The following ZC2HC1B variants were observed in gnomAD, a reference collection of about 807,000 sequenced individuals.
ZC2HC1B encodes zinc finger C2HC domain-containing protein 1B.
ZC2HC1B carries 36 observed loss-of-function variants against 31.0 expected under a neutral mutation model. The ratio of observed to expected loss-of-function variants is 1.16; its 90% CI spans 0.89 to 1.54. The LOEUF (loss-of-function observed/expected upper bound fraction) is 1.54, where lower values mean the gene tolerates loss of function less well. ZC2HC1B is among the 40% of genes most tolerant of loss of function. ZC2HC1B has a pLI of 0.00. For missense variants in ZC2HC1B, 260 were observed against 268.6 expected, an observed-to-expected ratio of 0.97 and a Z score of 0.22; for synonymous variants, 73 against 88.0, an observed-to-expected ratio of 0.83 and a Z score of 0.95.
At chr6:143,931,156 A>C (rs1192015629) in intron 6 of ZC2HC1B, among the ~76,000 whole-genome samples, 2 of 152,292 alleles carry the variant, frequency 1.3e-5, no homozygotes, top group East Asian at 3.9e-4. Context: ...TTTGCATGGA[A>C]TATCTTTTTC....
At chr6:143,894,463 G>A (rs1208672692) in intron 4 of ZC2HC1B, among the ~76,000 whole-genome samples, 2 of 152,142 alleles carry the variant, frequency 1.3e-5, no homozygotes, top group Non-Finnish European at 2.9e-5. Context: ...GCATTTAGTT[G>A]TGTGTAAATT....
intron 1 of ZC2HC1B, among the ~76,000 whole-genome samples, chr6:143,877,949 G>GT (rs2128493530): frequency 6.6e-6 from 1 of 150,856 alleles, no homozygotes; most frequent in African/African-American, 2.4e-5. Context: ...TCTGCTTTCA[G>GT]TATCACTATT....
Position 143,937,723 on chromosome 6 carries a change from C to T in ZC2HC1B, c.*4C>T, listed in dbSNP as rs1471100687. The T allele has an allele frequency of 6.5e-7, 1 of 1,545,748 alleles. No individual in the cohort carries two copies. Among genetic ancestry groups the T allele is most frequent in the Non-Finnish European group, 8.7e-7 (1 of 1,145,200 alleles). On this transcript the variant is annotated 3_prime_UTR_variant, in exon 7 of 8. Coordinates refer to ENST00000237275, the MANE Select transcript of ZC2HC1B (RefSeq NM_001013623.3). ...TAAATCTTCTAAAAAAGATTAACTC[C>T]TAGAAGCCAGGTAAGAAAAAAAAAT...
rs1229578266 is a variant in ZC2HC1B at position 143,886,547 on chromosome 6, C to T, written c.211-136C>T. On this transcript the variant is annotated intron_variant, in intron 3 of 7. Coordinates refer to ENST00000237275, the MANE Select transcript of ZC2HC1B (RefSeq NM_001013623.3). This position sits in a 1 kb window ranked among gnomAD's most constrained non-coding sequence, Gnocchi z 4.2. ...ACTTTCCAAACCTCTTTAAGGAGTA[C>T]TTTTGAAAAACAAACTCTCCTTTTC... 6 of 930,982 alleles carry T rather than the reference C, an allele frequency of 6.4e-6. No individual in the cohort carries two copies. Among genetic ancestry groups the T allele is most frequent in the Non-Finnish European group, 8.7e-6 (6 of 687,064 alleles). 57.7% of individuals were successfully genotyped at this position (930,982 alleles called of 1,614,324 possible).
chr6:143,929,465 G>A (rs145528655), intron 6 of ZC2HC1B, among the ~76,000 whole-genome samples: 366 of 152,248 alleles, frequency 2.4e-3, no homozygotes, highest in African/African-American at 8.5e-3. Flanking sequence ...TTGATGTGCT[G>A]TATGATTTTG....
At position 143,868,279 on chromosome 6, in the gene ZC2HC1B, G is replaced by C. The variant is rs1229783216; in HGVS notation, c.28+3712G>C. On this transcript the variant is annotated intron_variant, in intron 1 of 7. Transcript: ENST00000237275. The surrounding 1 kb of genome is among the most constrained non-coding windows in gnomAD (Gnocchi z 4.2). ...CTAATAGGCTAGATCTGTATATAAA[G>C]GGGAATTTATTAAGTATTAACTCAC... 6.6e-6 allele frequency among the ~76,000 whole-genome samples: 1 copy of C among 152,144 alleles called. No individual in the cohort carries two copies. The highest frequency in any genetic ancestry group is 1.5e-5 in the Non-Finnish European group (1 of 68,032).
chr6:143,866,982 G>C lies in ZC2HC1B; in HGVS notation c.28+2415G>C, dbSNP rs1415927038. On this transcript the variant is annotated intron_variant, in intron 1 of 7. Transcript: ENST00000237275. ...CTCTAATCCAAAATCCAAAAACGTTGAGTGCCAATGTGAGACAACAAATAG... is the reference window on the plus strand; with the variant it reads ...CTCTAATCCAAAATCCAAAAACGTTCAGTGCCAATGTGAGACAACAAATAG... Among the ~76,000 whole-genome samples, 7 of 152,254 alleles carry C rather than the reference G, an allele frequency of 4.6e-5. No individual in the cohort carries two copies. The South Asian group carries it at 1.5e-3, about 32-fold the overall frequency.
chr6:143,918,464 A>AT lies in ZC2HC1B; in HGVS notation c.598+15320dup, dbSNP rs961185940. Among the ~76,000 whole-genome samples the AT allele has an allele frequency of 6.6e-6, 1 of 151,008 alleles. No homozygotes were observed. The highest frequency in any genetic ancestry group is 1.5e-5 in the Non-Finnish European group (1 of 67,690). ...GAACATTCCTGGTTTGTGACAGGTC[A>AT]TTTTTTTTCTTGCTACTCTGATTAT... On this transcript the variant is annotated intron_variant, in intron 6 of 7. Transcript: ENST00000237275. This position sits in a 1 kb window ranked among gnomAD's most constrained non-coding sequence, Gnocchi z 4.1.
intron 6 of ZC2HC1B, among the ~76,000 whole-genome samples, chr6:143,936,154 AG>A (rs1010792544): frequency 6.6e-6 from 1 of 152,194 alleles, no homozygotes; most frequent in Non-Finnish European, 1.5e-5. Context: ...ACAAGTCAAC[AG>A]CCTTATTGAT....
At chr6:143,909,135 A>G (rs1022644284) in intron 6 of ZC2HC1B, among the ~76,000 whole-genome samples, 1 of 152,196 alleles carries the variant, frequency 6.6e-6, no homozygotes, top group East Asian at 1.9e-4. Context: ...ATTGTAGTGG[A>G]TAAGCTTTTT....
intron 1 of ZC2HC1B, among the ~76,000 whole-genome samples, chr6:143,882,879 A>G (rs915450395): frequency 1.2e-4 from 19 of 152,106 alleles, no homozygotes; most frequent in African/African-American, 4.6e-4. Context: ...CACTCCCAGC[A>G]TCTTCTCAGT....
chr6:143,899,199 A>AT lies in ZC2HC1B; in HGVS notation c.489+509dup, dbSNP rs1777706175. On this transcript the variant is annotated intron_variant, in intron 5 of 7. Coordinates refer to ENST00000237275, the MANE Select transcript of ZC2HC1B (RefSeq NM_001013623.3). The surrounding 1 kb of genome is among the most constrained non-coding windows in gnomAD (Gnocchi z 5.0). ...TTAACATTAGGTGCAAATCAGTAAA[A>AT]TAACAACCTGAAGTGGAAGACAGTA... 2.6e-5 allele frequency among the ~76,000 whole-genome samples: 4 copies of AT among 152,254 alleles called. 1 individual carries two copies. The South Asian group carries it at 8.3e-4, about 31-fold the overall frequency.
rs1298582518 is a variant in ZC2HC1B, at chr6:143,906,461, TGAGA to T, written c.598+3315_598+3318del. 2.0e-5 allele frequency among the ~76,000 whole-genome samples: 3 copies of T among 152,238 alleles called. No individual in the cohort carries two copies. The South Asian group carries it at 6.2e-4, about 32-fold the overall frequency. ...ATTTTAATTTTTTTTTGTTTTGTTT[TGAGA>T]GAGAGCCTCACTCTGTTGCCAAGGC... On this transcript the variant is annotated intron_variant, in intron 6 of 7. Coordinates refer to ENST00000237275, the MANE Select transcript of ZC2HC1B (RefSeq NM_001013623.3).
rs1435983683 is a variant in ZC2HC1B at position 143,887,320 on chromosome 6, T to C, written c.349+499T>C. On this transcript the variant is annotated intron_variant, in intron 4 of 7. Transcript: ENST00000237275. The surrounding 1 kb of genome is among the most constrained non-coding windows in gnomAD (Gnocchi z 5.1). ...AGTACACATGCCCTCCACTGAAATT[T>C]GGCAATTGTTGACGCTGTTGCCATA... 1.3e-5 allele frequency among the ~76,000 whole-genome samples: 2 copies of C among 152,238 alleles called. No individual in the cohort carries two copies. The highest frequency in any genetic ancestry group is 4.8e-5 in the African/African-American group (2 of 41,456).
chr6:143,897,857 T>G (rs1164402593), intron 4 of ZC2HC1B, among the ~76,000 whole-genome samples: 1 of 152,238 alleles, frequency 6.6e-6, no homozygotes, highest in East Asian at 1.9e-4. Context: ...CACTACAACC[T>G]ATGCTTTTGA....
chr6:143,866,013 G>T (rs898312432), intron 1 of ZC2HC1B, among the ~76,000 whole-genome samples: 1 of 152,048 alleles, frequency 6.6e-6, no homozygotes, highest in African/African-American at 2.4e-5. Flanking sequence ...ACAGGGTTTC[G>T]CCATGTTGGC....
intron 1 of ZC2HC1B, among the ~76,000 whole-genome samples, chr6:143,877,272 C>CTTTTTTTTTTTTTTTTT (rs34994479): frequency 7.0e-5 from 3 of 42,578 alleles, no homozygotes; most frequent in African/African-American, 2.4e-4. Flanking sequence ...TTTTTAATTT[C>CTTTTTTTTTTTTTTTTT]TTTTTTTTTT....
chr6:143,919,824 C>T (rs9496815), intron 6 of ZC2HC1B, among the ~76,000 whole-genome samples: 6,539 of 152,222 alleles, frequency 0.043, 347 homozygotes, highest in African/African-American at 0.12. Context: ...CTTCAATAGA[C>T]TCCAGAGTCC....
rs1469487449 is a variant in ZC2HC1B, at chr6:143,872,059, A to G, written c.28+7492A>G. 1.3e-5 allele frequency among the ~76,000 whole-genome samples: 2 copies of G among 152,184 alleles called. No individual in the cohort carries two copies. The highest frequency in any genetic ancestry group is 3.8e-4 in the East Asian group (2 of 5,198). On this transcript the variant is annotated intron_variant, in intron 1 of 7. Coordinates refer to ENST00000237275, the MANE Select transcript of ZC2HC1B (RefSeq NM_001013623.3). This position sits in a 1 kb window ranked among gnomAD's most constrained non-coding sequence, Gnocchi z 5.5. The stretch of plus-strand genomic sequence containing the variant: ...CCAGTAGTTTCCGAAATGTCTGATC[A>G]TTTCCTTTTTCCCCAATGCATAGTT...
Sources: gnomAD v4.1 joint callset for allele counts (sites outside exome capture counted in the v4.1 genomes callset) on GRCh38, gnomAD v4.1.1 for gene constraint, Gnocchi (gnomAD v3.1) non-coding constraint, MANE v1.5 for transcripts, NCBI Gene and HGNC (gene_info 2026-07-23, HGNC 2026-07-21) for gene names.